The following USP32 variants were observed in gnomAD, a reference collection of about 807,000 sequenced individuals.
USP32 encodes ubiquitin carboxyl-terminal hydrolase 32.
A neutral mutation model predicts 204.8 loss-of-function variants in USP32; 59 were observed. The observed-to-expected ratio is 0.29, with a 90% CI of 0.23 to 0.36. The LOEUF is 0.36. Ranked by LOEUF, USP32 falls within the 10% of genes least tolerant of loss-of-function variation. The pLI is 1.00. For synonymous variants in USP32, 517 were observed against 678.4 expected (o/e 0.76, Z 3.70); for missense variants, 1,160 against 1,946.4 (o/e 0.60, Z 7.60).
intron 1 of USP32, among the ~76,000 whole-genome samples, chr17:60,368,733 C>T (rs2089368701): frequency 6.6e-6 from 1 of 152,044 alleles, no homozygotes; most frequent in Non-Finnish European, 1.5e-5. Context: ...CAGCAATTTC[C>T]TAATAATCAT....
intron 18 of USP32, 116 bp from the exon 19 acceptor site, chr17:60,212,214 A>T (rs2084987288): frequency 2.5e-5 from 21 of 853,606 alleles, no homozygotes; most frequent in Non-Finnish European, 3.7e-5. Flanking sequence ...AAATCTAGTT[A>T]ATTTTAGTAC....
In USP32 at chr17:60,255,043, T is replaced by C. The variant is rs1175871150; in HGVS notation, c.1074+132A>G. 1.8e-5 allele frequency: 11 copies of C among 602,084 alleles called. No individual in the cohort carries two copies. In the African/African-American group the frequency reaches 1.9e-4, roughly 10 times the overall value. 37.3% of individuals were successfully genotyped at this position (602,084 alleles called of 1,614,324 possible). On this transcript the variant is annotated intron_variant, in intron 10 of 33. Transcript: ENST00000300896. ...GCACCCATCTTTCAGACGAGTAATG[T>C]AGTTCTTTTTTTTTTTTTTTAATAT...
At chr17:60,183,021 T>C (rs941412974) in intron 31 of USP32, 144 bp downstream of exon 31, 1 of 1,192,214 alleles carries the variant, frequency 8.4e-7, no homozygotes, top group African/African-American at 1.5e-5. Flanking sequence ...TGCTAAAACT[T>C]ACATAGCTCA....
chr17:60,318,131 A>C (rs2088028272), intron 2 of USP32, among the ~76,000 whole-genome samples: 1 of 152,274 alleles, frequency 6.6e-6, no homozygotes, highest in East Asian at 1.9e-4. Flanking sequence ...GTTGGTAGGG[A>C]TGGCTAAAAG....
intron 33 of USP32, among the ~76,000 whole-genome samples, chr17:60,180,192 A>T (rs2084071359): frequency 6.6e-6 from 1 of 151,634 alleles, no homozygotes; most frequent in Non-Finnish European, 1.5e-5. Flanking sequence ...CGCCCAACTA[A>T]TTTTTGTATT....
chr17:60,358,144 A>G (rs1474224260), intron 1 of USP32, among the ~76,000 whole-genome samples: 2 of 152,164 alleles, frequency 1.3e-5, no homozygotes, highest in African/African-American at 4.8e-5. Flanking sequence ...TGTTTCTACT[A>G]CTTTTTTATT....
chr17:60,328,880 G>A (rs2088308906), intron 2 of USP32, among the ~76,000 whole-genome samples: 1 of 149,356 alleles, frequency 6.7e-6, no homozygotes, highest in South Asian at 2.1e-4. Flanking sequence ...AGCAGCCAGT[G>A]TGTCTTGACT....
intron 4 of USP32, among the ~76,000 whole-genome samples, chr17:60,289,855 A>T (rs1482252591): frequency 6.6e-6 from 1 of 152,232 alleles, no homozygotes; most frequent in Admixed American, 6.5e-5. Flanking sequence ...GCTAAAGAAT[A>T]CGAATAATTA....
chr17:60,410,031 AAACT>A (rs1338235195), intron 1 of USP32, among the ~76,000 whole-genome samples: 1 of 152,212 alleles, frequency 6.6e-6, no homozygotes, highest in Non-Finnish European at 1.5e-5. Flanking sequence ...TGCCTTTGAA[AAACT>A]AACAAACTAG....
rs926566539 is a variant in USP32 at position 60,335,591 on chromosome 17, T to C, written c.186+9890A>G. Among the ~76,000 whole-genome samples, 15 of 143,068 alleles carry C rather than the reference T, an allele frequency of 1.0e-4. 3 individuals are homozygous for C. Among genetic ancestry groups the C allele is most frequent in the East Asian group, 3.9e-4 (2 of 5,162 alleles). 93.9% of individuals were successfully genotyped at this position (143,068 alleles called of 152,430 possible). A position where few individuals can be genotyped will look rare whatever the true frequency, so the allele number is the denominator to read the frequency against. ...AAAAAATATATCTACAATAGAAATT[T>C]CCATTCAGAAAAGGGAAAAGTGGAA... On this transcript the variant is annotated intron_variant, in intron 2 of 33. Coordinates refer to ENST00000300896, the MANE Select transcript of USP32 (RefSeq NM_032582.4).
intron 13 of USP32, among the ~76,000 whole-genome samples, chr17:60,224,621 A>T (rs2085336552): frequency 6.6e-6 from 1 of 152,166 alleles, no homozygotes; most frequent in Non-Finnish European, 1.5e-5. Context: ...GTCTCTACAA[A>T]ACAATTAAAA....
chr17:60,401,558 A>G (rs896197904), intron 1 of USP32, among the ~76,000 whole-genome samples: 2 of 151,752 alleles, frequency 1.3e-5, no homozygotes, highest in Non-Finnish European at 2.9e-5. Context: ...GTGTTTGGTT[A>G]AAGTATGATA....
At chr17:60,288,457 C>T in intron 5 of USP32, 66 bp downstream of exon 5, 1 of 1,506,838 alleles carries the variant, frequency 6.6e-7, no homozygotes, top group African/African-American at 1.4e-5. Flanking sequence ...AGCATATTCT[C>T]ATATTACCAG....
chr17:60,275,518 T>C (rs1237222720), intron 5 of USP32, among the ~76,000 whole-genome samples: 1 of 152,002 alleles, frequency 6.6e-6, no homozygotes, highest in Non-Finnish European at 1.5e-5. Context: ...TACACACACA[T>C]ACCCCCACAC....
chr17:60,249,898 T>C (rs534102826), intron 11 of USP32: 1 of 475,580 alleles, frequency 2.1e-6, no homozygotes, highest in African/African-American at 2.0e-5. Context: ...GACAAATATT[T>C]GTTTCACCTC....
At chr17:60,407,226 T>C (rs2143052016) in intron 1 of USP32, among the ~76,000 whole-genome samples, 1 of 152,294 alleles carries the variant, frequency 6.6e-6, no homozygotes, top group Non-Finnish European at 1.5e-5. Context: ...AGGAAGAAGG[T>C]ATGCAAAAAC....
At chr17:60,232,484 T>TC (rs948148319) in intron 12 of USP32, among the ~76,000 whole-genome samples, 6 of 150,892 alleles carry the variant, frequency 4.0e-5, no homozygotes, top group Admixed American at 1.3e-4. Flanking sequence ...AAATTTTTTT[T>TC]TTTTTTTTTT....
intron 11 of USP32, among the ~76,000 whole-genome samples, chr17:60,250,007 T>C (rs532555078): frequency 3.3e-5 from 5 of 151,986 alleles, no homozygotes; most frequent in African/African-American, 1.2e-4. Flanking sequence ...AAACTGAAAA[T>C]GAATAAACAA....
chr17:60,205,501 T>A lies in USP32; in HGVS notation c.3195A>T (p.Pro1065=). The A allele has an allele frequency of 6.2e-7, 1 of 1,613,780 alleles. No individual in the cohort carries two copies. Among genetic ancestry groups the A allele is most frequent in the Non-Finnish European group, 8.5e-7 (1 of 1,179,710 alleles). ...FTNGMVNGHM[P]SLPDSPFTGY... ...CTGTAAAGGGGCTGTCAGGAAGAGA[T>A]GGCATGTGACCATTAACCATTCCAT... Residue 1065 remains proline, a synonymous_variant, in exon 26 of 34, where the codon CCA becomes CCT. Coordinates refer to ENST00000300896, the MANE Select transcript of USP32 (RefSeq NM_032582.4).
Sources: gnomAD v4.1 joint callset for allele counts (sites outside exome capture counted in the v4.1 genomes callset) on GRCh38, gnomAD v4.1.1 for gene constraint, MANE v1.5 for transcripts, NCBI Gene and HGNC (gene_info 2026-07-23, HGNC 2026-07-21) for gene names.